The following BTAF1 variants were observed in gnomAD, a reference collection of about 807,000 sequenced individuals.
BTAF1 encodes TATA-binding protein-associated factor 172.
BTAF1 carries 38 observed loss-of-function variants against 227.1 expected under a neutral mutation model. That is an observed-to-expected ratio of 0.17 (90% CI 0.13 to 0.22). The LOEUF (loss-of-function observed/expected upper bound fraction) is 0.22, where lower values mean the gene tolerates loss of function less well. BTAF1 is among the 10% of genes least tolerant of loss of function. BTAF1 has a pLI of 1.00. For synonymous variants in BTAF1, 742 were observed against 751.9 expected, an observed-to-expected ratio of 0.99 and a Z score of 0.21; for missense variants, 1,598 against 2,204.0, an observed-to-expected ratio of 0.73 and a Z score of 5.51.
intron 20 of BTAF1, among the ~76,000 whole-genome samples, 189 bp downstream of exon 20, chr10:91,989,769 C>G (rs746920627): frequency 6.6e-6 from 1 of 152,134 alleles, no homozygotes; most frequent in African/African-American, 2.4e-5. Flanking sequence ...AGTCACAACC[C>G]TGTAAGTTCA....
At position 91,965,333 on chromosome 10, in the gene BTAF1, TAGTG is replaced by T. The variant is rs1363776857; in HGVS notation, c.1529+1136_1529+1139del. On this transcript the variant is annotated intron_variant, in intron 13 of 37. Coordinates refer to ENST00000265990, the MANE Select transcript of BTAF1 (RefSeq NM_003972.3). ...TAATCTTTTTCTGCAAAGGCCCAAATAGTGAGTATTTTTGTTTTGTGAGCCAGTC... is the reference window on the plus strand; with the variant it reads ...TAATCTTTTTCTGCAAAGGCCCAAATAGTATTTTTGTTTTGTGAGCCAGTC... Among the ~76,000 whole-genome samples the T allele has an allele frequency of 2.6e-5, 4 of 152,272 alleles. No individual in the cohort carries two copies. In the East Asian group the frequency reaches 5.8e-4, roughly 22 times the overall value.
chr10:91,959,468 C>T (rs995350300), intron 9 of BTAF1, among the ~76,000 whole-genome samples: 1 of 151,468 alleles, frequency 6.6e-6, no homozygotes, highest in African/African-American at 2.4e-5. Context: ...TCTTGGAGTG[C>T]GAGTAACATA....
intron 14 of BTAF1, among the ~76,000 whole-genome samples, chr10:91,969,040 ATTT>A (rs77465388): frequency 3.1e-5 from 4 of 130,468 alleles, no homozygotes; most frequent in African/African-American, 2.9e-5. Flanking sequence ...AAAAAAAAAA[ATTT>A]TTTTTTTTTT....
At position 92,013,963 on chromosome 10, in the gene BTAF1, A is replaced by G. The variant is rs1156849561; in HGVS notation, c.4518A>G (p.Glu1506=). ...VLPFLLRRMK[E]DVLQDLPPKI... ...CGTTTCTTTTGAGAAGAATGAAAGA[A>G]GATGTTTTGCAGGATCTTCCACCTA... The change falls in exon 32 of 38, where the codon GAA becomes GAG. Residue 1506 remains glutamate, a synonymous_variant. Coordinates refer to ENST00000265990, the MANE Select transcript of BTAF1 (RefSeq NM_003972.3). The G allele has an allele frequency of 6.2e-7, 1 of 1,613,906 alleles. No individual in the cohort carries two copies. Among genetic ancestry groups the G allele is most frequent in the Non-Finnish European group, 8.5e-7 (1 of 1,179,954 alleles).
Position 91,951,484 on chromosome 10 carries a change from T to G in BTAF1, c.482T>G (p.Ile161Ser). 2 of 1,613,088 alleles carry G rather than the reference T, an allele frequency of 1.2e-6. No individual in the cohort carries two copies. The highest frequency in any genetic ancestry group is 1.7e-6 in the Non-Finnish European group (2 of 1,179,640). ...KKLGLNMGEA[I>S]GMSTEELFND... ...CTTGGCCTTAATATGGGAGAAGCAA[T>G]TGGAATGAGTACTGAAGAACTTTTC... Residue 161 changes from isoleucine to serine, a missense_variant, in exon 5 of 38, where the codon ATT (isoleucine) becomes AGT (serine). Around this residue, in one of 10 missense-constraint regions of BTAF1, gnomAD observed 298 missense variants for 395.2 expected, o/e 0.75. Transcript: ENST00000265990.
At chr10:92,021,679 C>G in intron 34 of BTAF1, among the ~76,000 whole-genome samples, 1 of 151,930 alleles carries the variant, frequency 6.6e-6, no homozygotes, top group Admixed American at 6.6e-5. Context: ...GTAGCTGGGA[C>G]TGTAGATGCC....
In BTAF1 at chr10:92,029,423, A is replaced by G. The variant is rs1445772440; in HGVS notation, c.*490A>G. 1.3e-5 allele frequency: 2 copies of G among 152,514 alleles called. No individual in the cohort carries two copies. The highest frequency in any genetic ancestry group is 2.1e-4 in the South Asian group (1 of 4,828). The allele number at this position is 152,514 out of a possible 1,614,324, so 9.4% of individuals were successfully genotyped here. A position where few individuals can be genotyped will look rare whatever the true frequency, so the allele number is the denominator to read the frequency against. ...CTATGATATTGGTCAGTCTTAGAAC[A>G]TGAAAATGTCAGACAATGAATTTAA... On this transcript the variant is annotated 3_prime_UTR_variant, in exon 38 of 38. Coordinates refer to ENST00000265990, the MANE Select transcript of BTAF1 (RefSeq NM_003972.3).
chr10:91,971,743 A>T (rs956306893), intron 14 of BTAF1, among the ~76,000 whole-genome samples: 2 of 152,118 alleles, frequency 1.3e-5, no homozygotes, highest in Non-Finnish European at 2.9e-5. Context: ...AAGTGCTGGG[A>T]TTACAGGCAT....
rs1412216501 is a variant in BTAF1, at chr10:91,942,530, C to T, written c.362C>T (p.Ser121Phe). ...CAACATGGTGCATCACTCCTGGGAT[C>T]TGCTGGTGCCGAATTTGAAGTCCAA... ...LLQHGASLLG[S>F]AGAEFEVQDE... The change falls in exon 4 of 38, where the codon TCT (serine) becomes TTT (phenylalanine). Residue 121 changes from serine (S) to phenylalanine (F), a missense_variant. Physicochemically the swap from Ser to Phe is radical, Grantham distance 155 (BLOSUM62 -2). Coordinates refer to ENST00000265990, the MANE Select transcript of BTAF1 (RefSeq NM_003972.3). The T allele has an allele frequency of 6.2e-7, 1 of 1,614,120 alleles. No individual in the cohort carries two copies. Among genetic ancestry groups the T allele is most frequent in the Admixed American group, 1.7e-5 (1 of 60,018 alleles).
chr10:91,937,393 C>T (rs186447383), intron 2 of BTAF1, among the ~76,000 whole-genome samples: 8 of 152,240 alleles, frequency 5.3e-5, no homozygotes, highest in Non-Finnish European at 1.0e-4. Flanking sequence ...GCAGCCATCA[C>T]CGTACTCTAA....
intron 1 of BTAF1, among the ~76,000 whole-genome samples, chr10:91,931,352 A>C (rs1176306231): frequency 6.6e-6 from 1 of 152,104 alleles, no homozygotes. Context: ...ACAAAATATA[A>C]TTTTCTTATG....
chr10:92,003,416 C>A (rs1237691949), intron 25 of BTAF1, among the ~76,000 whole-genome samples: 2 of 152,166 alleles, frequency 1.3e-5, no homozygotes, highest in African/African-American at 4.8e-5. Context: ...CTCCCTTCCA[C>A]GCACTAAGCA....
chr10:92,018,589 G>A (rs1201367439), intron 33 of BTAF1, among the ~76,000 whole-genome samples, 194 bp from the exon 34 acceptor site: 2 of 152,160 alleles, frequency 1.3e-5, no homozygotes, highest in Non-Finnish European at 2.9e-5. Flanking sequence ...GTAAATGTCC[G>A]CATAGAAACT....
intron 37 of BTAF1, among the ~76,000 whole-genome samples, chr10:92,028,303 A>T (rs546932337): frequency 1.3e-5 from 2 of 152,204 alleles, no homozygotes; most frequent in African/African-American, 2.4e-5. Context: ...TATTTAGACA[A>T]TTGGCAGAAT....
chr10:92,010,679 T>C (rs1229515591), intron 28 of BTAF1, among the ~76,000 whole-genome samples: 2 of 152,212 alleles, frequency 1.3e-5, no homozygotes, highest in East Asian at 3.8e-4. Context: ...AAACAACCTT[T>C]GTGGTTAGGG....
rs114635655 is a variant in BTAF1, at chr10:91,954,868, A to G, written c.701+995A>G. ...CCATCACACCTGGCCAAAAATGTAT[A>G]TTCTTGGGTCCCACTCAGATCTGTT... On this transcript the variant is annotated intron_variant, in intron 6 of 37. Transcript: ENST00000265990. Among the ~76,000 whole-genome samples the G allele has an allele frequency of 5.1e-3, 770 of 152,288 alleles. 3 individuals carry two copies. Among genetic ancestry groups the G allele is most frequent in the African/African-American group, 0.018 (731 of 41,550 alleles).
At chr10:91,932,624 T>C (rs1344775557) in intron 1 of BTAF1, among the ~76,000 whole-genome samples, 1 of 152,132 alleles carries the variant, frequency 6.6e-6, no homozygotes, top group East Asian at 1.9e-4. Flanking sequence ...TGTGACAAAT[T>C]AATGTGAGAG....
intron 4 of BTAF1, among the ~76,000 whole-genome samples, chr10:91,950,155 G>C (rs1210266807): frequency 7.4e-5 from 4 of 54,360 alleles, no homozygotes; most frequent in African/African-American, 1.4e-4. Flanking sequence ...TTGTGGGGGG[G>C]GGCGGGAAAG....
At chr10:91,981,899 T>C (rs2133983711) in intron 16 of BTAF1, 107 bp downstream of exon 16, 1 of 1,385,592 alleles carries the variant, frequency 7.2e-7, no homozygotes, top group South Asian at 1.5e-5. Flanking sequence ...TTAATTAACA[T>C]AAGTAAGGAG....
Sources: gnomAD v4.1 joint callset for allele counts (sites outside exome capture counted in the v4.1 genomes callset) on GRCh38, gnomAD v4.1.1 for gene constraint, gnomAD v4.1.1 regional missense constraint, MANE v1.5 for transcripts, NCBI Gene and HGNC (gene_info 2026-07-23, HGNC 2026-07-21) for gene names.